Variants in DPP10 observed in about 807,000 individuals in gnomAD.
DPP10 encodes the protein dipeptidyl peptidase like 10, also known as inactive dipeptidyl peptidase 10.
Under a neutral mutation model 120.9 loss-of-function variants are expected in DPP10, and 33 were observed. The observed-to-expected ratio is 0.27, with a 90% CI of 0.21 to 0.37. The LOEUF is 0.37. Ranked by LOEUF, DPP10 falls within the 10% of genes least tolerant of loss-of-function variation. The pLI is 1.00. For synonymous variants in DPP10, 337 were observed against 326.1 expected (o/e 1.03, Z -0.36); for missense variants, 816 against 942.8 (o/e 0.87, Z 1.76).
intron 8 of DPP10, among the ~76,000 whole-genome samples, chr2:115,731,367 A>C (rs36043493): frequency 0.3 from 44,403 of 148,854 alleles, 6,972 homozygotes; most frequent in Middle Eastern, 0.44. Flanking sequence ...AAAAAAAAAA[A>C]ATTTAACTGG....
At chr2:115,094,557 G>C (rs538883609) in intron 1 of DPP10, among the ~76,000 whole-genome samples, 21 of 152,196 alleles carry the variant, frequency 1.4e-4, no homozygotes, top group African/African-American at 5.1e-4. Flanking sequence ...GATTCTGTTG[G>C]GTTACGAGCG....
At chr2:114,901,344 C>T (rs1693550629) in intron 1 of DPP10, among the ~76,000 whole-genome samples, 1 of 152,066 alleles carries the variant, frequency 6.6e-6, no homozygotes, top group East Asian at 1.9e-4. Flanking sequence ...ACTACAGGCA[C>T]CTGCCACCAC....
At chr2:114,477,922 T>C (rs10182051) in intron 1 of DPP10, among the ~76,000 whole-genome samples, 5,764 of 150,096 alleles carry the variant, frequency 0.038, 394 homozygotes, top group African/African-American at 0.13. Context: ...TATATGTGTA[T>C]ATATGTACAT....
chr2:115,453,948 T>TA (rs1211193193), intron 3 of DPP10, among the ~76,000 whole-genome samples: 2 of 151,254 alleles, frequency 1.3e-5, no homozygotes, highest in Non-Finnish European at 3.0e-5. Context: ...TAATATATTA[T>TA]AAAAATGTTA....
intron 1 of DPP10, among the ~76,000 whole-genome samples, chr2:114,722,077 G>A (rs1701735297): frequency 6.6e-6 from 1 of 152,128 alleles, no homozygotes; most frequent in Non-Finnish European, 1.5e-5. Context: ...TTATATGAGG[G>A]AGGTAAGGGA....
chr2:115,400,271 A>G (rs1185960025), intron 3 of DPP10, among the ~76,000 whole-genome samples: 3 of 152,204 alleles, frequency 2.0e-5, no homozygotes, highest in East Asian at 1.9e-4. Context: ...TACCAAATCA[A>G]CTGTGAATGG....
intron 5 of DPP10, among the ~76,000 whole-genome samples, chr2:115,574,272 T>C (rs1434558940): frequency 6.6e-6 from 1 of 152,200 alleles, no homozygotes; most frequent in Non-Finnish European, 1.5e-5. Context: ...TGGAAACTGT[T>C]TTTCTCCTAC....
intron 1 of DPP10, among the ~76,000 whole-genome samples, chr2:115,196,812 A>T (rs897800128): frequency 1.7e-4 from 26 of 152,180 alleles, no homozygotes; most frequent in Admixed American, 1.6e-3. Context: ...TGTGGTATGC[A>T]AGCTAACTGT....
intron 1 of DPP10, among the ~76,000 whole-genome samples, chr2:114,918,761 A>G (rs1694985634): frequency 6.6e-6 from 1 of 152,158 alleles, no homozygotes; most frequent in Non-Finnish European, 1.5e-5. Flanking sequence ...ACATGTACAC[A>G]AAGAGGGGAT....
intron 1 of DPP10, among the ~76,000 whole-genome samples, chr2:114,604,313 G>A (rs1181944174): frequency 6.6e-6 from 1 of 152,044 alleles, no homozygotes; most frequent in Non-Finnish European, 1.5e-5. Context: ...TTTGCAAGCA[G>A]ACCTTTATAT....
chr2:114,898,349 G>C (rs971391058), intron 1 of DPP10, among the ~76,000 whole-genome samples: 2 of 151,966 alleles, frequency 1.3e-5, no homozygotes, highest in Non-Finnish European at 2.9e-5. Flanking sequence ...GGACTGTTGT[G>C]GGGTGGGGGA....
At chr2:115,641,392 A>G (rs1013208022) in intron 5 of DPP10, among the ~76,000 whole-genome samples, 1 of 152,180 alleles carries the variant, frequency 6.6e-6, no homozygotes, top group South Asian at 2.1e-4. Context: ...GCATTTCAGC[A>G]TCACAGACTT....
chr2:114,473,666 G>A (rs1213170576), intron 1 of DPP10, among the ~76,000 whole-genome samples: 1 of 152,034 alleles, frequency 6.6e-6, no homozygotes, highest in East Asian at 1.9e-4. Context: ...AACCTTAGAG[G>A]ACTCATGAAG....
chr2:115,204,781 TA>T (rs761195550), intron 1 of DPP10, among the ~76,000 whole-genome samples: 4 of 152,196 alleles, frequency 2.6e-5, no homozygotes, highest in Non-Finnish European at 5.9e-5. Context: ...GACTTTTTAA[TA>T]ACAGCCATTC....
At chr2:115,320,372 A>G (rs2062000386) in intron 2 of DPP10, among the ~76,000 whole-genome samples, 2 of 152,024 alleles carry the variant, frequency 1.3e-5, no homozygotes, top group South Asian at 2.1e-4. Flanking sequence ...TAATTGTTTC[A>G]TTGTTCCATT....
At chr2:115,066,792 TTAAAAA>T (rs1706877025) in intron 1 of DPP10, 1 of 152,188 alleles carries the variant, frequency 6.6e-6, no homozygotes. Context: ...CAAAGTATAA[TTAAAAA>T]ATAAAAATGT....
At chr2:115,537,738 A>T (rs554100877) in intron 5 of DPP10, among the ~76,000 whole-genome samples, 115 of 152,042 alleles carry the variant, frequency 7.6e-4, no homozygotes, top group African/African-American at 2.6e-3. Context: ...ATTTATTGTG[A>T]TCATAGATTC....
At chr2:114,923,164 C>A (rs188653528) in intron 1 of DPP10, among the ~76,000 whole-genome samples, 120 of 151,472 alleles carry the variant, frequency 7.9e-4, no homozygotes, top group African/African-American at 2.8e-3. Context: ...AATTTTTTTT[C>A]CCATTCTGTA....
chr2:114,732,666 A>G (rs1677030624), intron 1 of DPP10, among the ~76,000 whole-genome samples: 1 of 152,224 alleles, frequency 6.6e-6, no homozygotes, highest in Admixed American at 6.5e-5. Context: ...AAATTATACT[A>G]TGGATTGAAA....
Sources: allele counts gnomAD v4.1 joint callset (sites outside exome capture counted in the v4.1 genomes callset), GRCh38; gene constraint gnomAD v4.1.1; transcripts MANE v1.5; gene names NCBI Gene and HGNC (gene_info 2026-07-23, HGNC 2026-07-21).